MAP3K19: variants seen among roughly 807,000 people sequenced by gnomAD.
MAP3K19 encodes the protein SPS1/STE20-related protein kinase YSK4.
Under a neutral mutation model 114.4 loss-of-function variants are expected in MAP3K19, and 91 were observed. The ratio of observed to expected loss-of-function variants is 0.80; its 90% CI spans 0.67 to 0.95. MAP3K19 has a LOEUF of 0.95. MAP3K19 is among the 40% of genes least tolerant of loss of function. MAP3K19 has a pLI of 0.00. For synonymous variants in MAP3K19, 518 were observed against 530.5 expected (o/e 0.98, Z 0.32); for missense variants, 1,471 against 1,573.2 (o/e 0.94, Z 1.10).
intron 5 of MAP3K19, among the ~76,000 whole-genome samples, chr2:135,013,323 A>AG (rs1345020248): frequency 4.7e-5 from 7 of 149,508 alleles, no homozygotes; most frequent in Non-Finnish European, 7.4e-5. Context: ...AAAAAAAAAA[A>AG]AAGAAGAAGA....
At chr2:134,978,199 T>C (rs1030036847) in intron 12 of MAP3K19, among the ~76,000 whole-genome samples, 1 of 151,898 alleles carries the variant, frequency 6.6e-6, no homozygotes, top group African/African-American at 2.4e-5. Flanking sequence ...ATTTTTTTTT[T>C]TTTTTGAGAC....
At position 134,998,289 on chromosome 2, in the gene MAP3K19, C is replaced by T. The variant is rs73959233; in HGVS notation, c.574+449G>A. On this transcript the variant is annotated intron_variant, in intron 8 of 12. Transcript: ENST00000392915. ...CCCCAAGATTCCCACAGATAAACAT[C>T]AACCAAATATGAGCTCACAATGAAG... Among the ~76,000 whole-genome samples, 467 of 152,222 alleles carry T rather than the reference C, an allele frequency of 3.1e-3. 2 individuals are homozygous for T. The highest frequency in any genetic ancestry group is 0.011 in the African/African-American group (440 of 41,530).
At chr2:135,004,977 C>T (rs1207982766) in intron 6 of MAP3K19, among the ~76,000 whole-genome samples, 1 of 152,056 alleles carries the variant, frequency 6.6e-6, no homozygotes. Flanking sequence ...GGGAATGGGT[C>T]GGCTGAGCTG....
chr2:135,021,632 A>G (rs1318227666), intron 5 of MAP3K19, 83 bp downstream of exon 5: 2 of 672,492 alleles, frequency 3.0e-6, no homozygotes, highest in African/African-American at 1.9e-5. Context: ...GTAATATATG[A>G]GTGTTATGAA....
intron 12 of MAP3K19, among the ~76,000 whole-genome samples, chr2:134,969,033 A>G (rs1439067946): frequency 6.6e-6 from 1 of 152,218 alleles, no homozygotes; most frequent in African/African-American, 2.4e-5. Context: ...AACCGGGATC[A>G]CGCCGCTGCA....
intron 11 of MAP3K19, among the ~76,000 whole-genome samples, chr2:134,982,979 T>C (rs1364778230): frequency 6.6e-6 from 1 of 152,242 alleles, no homozygotes; most frequent in African/African-American, 2.4e-5. Context: ...TATTAATACA[T>C]GCATAGAATG....
At chr2:134,967,684 T>G (rs1259139632) in intron 12 of MAP3K19, among the ~76,000 whole-genome samples, 1 of 152,214 alleles carries the variant, frequency 6.6e-6, no homozygotes, top group East Asian at 1.9e-4. Flanking sequence ...TTCTCCTTAT[T>G]ATCACCTTGC....
intron 5 of MAP3K19, among the ~76,000 whole-genome samples, chr2:135,014,174 GA>G (rs1469528862): frequency 6.6e-6 from 1 of 152,046 alleles, no homozygotes; most frequent in African/African-American, 2.4e-5. Context: ...GTGACATGGT[GA>G]AACCCCATCT....
At position 134,987,222 on chromosome 2, in the gene MAP3K19, C is replaced by G. The variant is rs780411585; in HGVS notation, c.1650G>C (p.Gln550His). ...SKTKTSKKTP[Q>H]NFVISTEGPI... ...GACCTTCAGTAGAAATCACAAAATTCTGAGGTGTCTTCTTACTTGTCTTGG... is the reference window on the plus strand; with the variant it reads ...GACCTTCAGTAGAAATCACAAAATTGTGAGGTGTCTTCTTACTTGTCTTGG... The change falls in exon 10 of 13, where the codon CAG (glutamine) becomes CAC (histidine). Residue 550 changes from glutamine (Q) to histidine (H), a missense_variant. Gln to His is a conservative substitution (Grantham distance 24). Transcript: ENST00000392915. 1 of 1,614,126 alleles carries G rather than the reference C, an allele frequency of 6.2e-7. No individual in the cohort carries two copies. Among genetic ancestry groups the G allele is most frequent in the African/African-American group, 1.3e-5 (1 of 75,026 alleles).
chr2:135,028,873 AT>A lies in MAP3K19; in HGVS notation c.-95+1438del, dbSNP rs950698753. On this transcript the variant is annotated intron_variant, in intron 3 of 12. Coordinates refer to ENST00000392915, the MANE Select transcript of MAP3K19 (RefSeq NM_025052.5). ...GGGTACTGTGGGAATTAATTAGTTA[AT>A]TTTTTTTTTTAGTCGCTAAGAAGAA... Among the ~76,000 whole-genome samples the A allele has an allele frequency of 1.6e-4, 24 of 148,534 alleles. 1 individual carries two copies. Among genetic ancestry groups the A allele is most frequent in the South Asian group, 8.5e-4 (4 of 4,720 alleles).
At chr2:135,046,518 C>T (rs563374541) in intron 1 of MAP3K19, among the ~76,000 whole-genome samples, 1 of 152,262 alleles carries the variant, frequency 6.6e-6, no homozygotes, top group South Asian at 2.1e-4. Context: ...TCAGGTCATC[C>T]ACCCTCCTTG....
rs1222207412 is a variant in MAP3K19, at chr2:135,033,225, G to A, written c.-283-2725C>T. 3.7e-5 allele frequency among the ~76,000 whole-genome samples: 4 copies of A among 107,032 alleles called. 1 individual carries two copies. The highest frequency in any genetic ancestry group is 3.0e-4 in the East Asian group (1 of 3,302). 70.2% of individuals were successfully genotyped at this position (107,032 alleles called of 152,430 possible). A position where few individuals can be genotyped will look rare whatever the true frequency, so the allele number is the denominator to read the frequency against. ...GCGCCCCTCATCTCCCAGACGAGGC[G>A]GCTGGCCGGGCGGGGGGCTGACCCC... On this transcript the variant is annotated intron_variant, in intron 2 of 12. Coordinates refer to ENST00000392915, the MANE Select transcript of MAP3K19 (RefSeq NM_025052.5).
In MAP3K19 at chr2:134,981,232, A is replaced by G. The variant is rs763964181; in HGVS notation, c.3509T>C (p.Ile1170Thr). The G allele has an allele frequency of 8.5e-5, 137 of 1,614,080 alleles. No homozygotes were observed. The highest frequency in any genetic ancestry group is 6.6e-4 in the Middle Eastern group (4 of 6,084). The change falls in exon 12 of 13, where the codon ATA (isoleucine) becomes ACA (threonine). Residue 1170 changes from isoleucine to threonine, a missense_variant. Ile to Thr is a moderately conservative substitution (Grantham distance 89, BLOSUM62 -1). Transcript: ENST00000392915. ...ATGGAGATAAGCAACACCTTGAAGT[A>G]TTTGTTTCGTATATTTACAGAACAC... ...EMVFCKYTKQ[I>T]LQGVAYLHEN...
chr2:134,966,422 T>C (rs1683353127), intron 12 of MAP3K19, among the ~76,000 whole-genome samples: 1 of 152,222 alleles, frequency 6.6e-6, no homozygotes, highest in African/African-American at 2.4e-5. Flanking sequence ...TTGTGGGTTT[T>C]TTTTAATATT....
At chr2:135,024,905 T>A (rs1251217126) in intron 3 of MAP3K19, among the ~76,000 whole-genome samples, 164 bp from the exon 4 acceptor site, 1 of 152,204 alleles carries the variant, frequency 6.6e-6, no homozygotes, top group East Asian at 1.9e-4. Context: ...GGATGACAAT[T>A]TTACAAGATT....
At chr2:135,037,798 G>T (rs1688564427) in intron 2 of MAP3K19, among the ~76,000 whole-genome samples, 1 of 152,162 alleles carries the variant, frequency 6.6e-6, no homozygotes, top group Non-Finnish European at 1.5e-5. Flanking sequence ...GCAACTCACT[G>T]CATGTTCAGG....
rs543572800 is a variant in MAP3K19 at position 134,970,819 on chromosome 2, G to A, written c.3921-5903C>T. On this transcript the variant is annotated intron_variant, in intron 12 of 12. Coordinates refer to ENST00000392915, the MANE Select transcript of MAP3K19 (RefSeq NM_025052.5). ...TCACTGTGTTAGCCAGGATGGTCTCGATTTTCTGACCTCATGATCTGCCTG... is the reference window on the plus strand; with the variant it reads ...TCACTGTGTTAGCCAGGATGGTCTCAATTTTCTGACCTCATGATCTGCCTG... Among the ~76,000 whole-genome samples, 23 of 152,132 alleles carry A rather than the reference G, an allele frequency of 1.5e-4. No homozygotes were observed. The East Asian group carries it at 2.7e-3, about 18-fold the overall frequency.
intron 12 of MAP3K19, among the ~76,000 whole-genome samples, chr2:134,977,078 A>G (rs1471310803): frequency 6.6e-6 from 1 of 150,702 alleles, no homozygotes; most frequent in Non-Finnish European, 1.5e-5. Flanking sequence ...TTCTTTCACT[A>G]TCTGGAGGCC....
intron 12 of MAP3K19, among the ~76,000 whole-genome samples, chr2:134,968,693 G>C (rs7421815): frequency 6.7e-6 from 1 of 148,388 alleles, no homozygotes. Flanking sequence ...GGGCAGAGGC[G>C]CTCCTTACAT....
Sources: gnomAD v4.1 joint callset for allele counts (sites outside exome capture counted in the v4.1 genomes callset) on GRCh38, gnomAD v4.1.1 for gene constraint, MANE v1.5 for transcripts, NCBI Gene and HGNC (gene_info 2026-07-23, HGNC 2026-07-21) for gene names.